Variants in DMD observed in about 807,000 individuals in gnomAD.
The protein encoded by DMD is dystrophin.
DMD carries 63 observed loss-of-function variants against 330.1 expected under a neutral mutation model. That is an observed-to-expected ratio of 0.19 (90% CI 0.16 to 0.24). DMD has a LOEUF of 0.24. DMD is among the 10% of genes least tolerant of loss of function. The pLI, the probability that DMD is intolerant of heterozygous loss-of-function variation, is 1.00. For synonymous variants in DMD, 1,223 were observed against 959.8 expected, an observed-to-expected ratio of 1.27 and a Z score of -5.07; for missense variants, 3,344 against 2,684.1, an observed-to-expected ratio of 1.25 and a Z score of -5.43.
intron 51 of DMD, among the ~76,000 whole-genome samples, chrX:31,752,109 C>T (rs961719571): frequency 9.0e-6 from 1 of 111,731 alleles, no homozygotes; most frequent in Non-Finnish European, 1.9e-5. Flanking sequence ...TTACATTGGG[C>T]GCACTGGGGT....
At chrX:31,429,205 G>A (rs2063893724) in intron 60 of DMD, among the ~76,000 whole-genome samples, 1 of 111,343 alleles carries the variant, frequency 9.0e-6, no homozygotes. Context: ...CAGGACAGAT[G>A]TTCCTTTTGC....
At chrX:31,123,972 T>A (rs2033239457) in intron 78 of DMD, among the ~76,000 whole-genome samples, 1 of 111,922 alleles carries the variant, frequency 8.9e-6, no homozygotes, top group Non-Finnish European at 1.9e-5. Context: ...TATAGCCAAG[T>A]GGTGCTTCTC....
chrX:33,180,006 T>C (rs1157081354), intron 1 of DMD, among the ~76,000 whole-genome samples: 2 of 109,717 alleles, frequency 1.8e-5, no homozygotes, highest in Non-Finnish European at 3.8e-5. Flanking sequence ...CTGGCTAATT[T>C]TGTATTTTTA....
At chrX:32,922,817 C>T (rs1472416818) in intron 2 of DMD, among the ~76,000 whole-genome samples, 2 of 111,947 alleles carry the variant, frequency 1.8e-5, no homozygotes, top group South Asian at 7.4e-4. Context: ...ATTTCTGAAA[C>T]TGTTCTAGAT....
chrX:31,966,977 T>C (rs1163281137), intron 45 of DMD, among the ~76,000 whole-genome samples: 1 of 110,716 alleles, frequency 9.0e-6, no homozygotes, highest in African/African-American at 3.3e-5. Flanking sequence ...ATTTATAGTA[T>C]GGTATTCAAT....
intron 2 of DMD, among the ~76,000 whole-genome samples, chrX:33,009,281 T>C (rs372921161): frequency 2.6e-5 from 1 of 38,147 alleles, no homozygotes; most frequent in African/African-American, 7.2e-5. Context: ...TACACATATG[T>C]GTATGTGTGT....
intron 7 of DMD, among the ~76,000 whole-genome samples, chrX:32,750,375 A>C (rs759329925): frequency 2.7e-5 from 3 of 112,303 alleles, no homozygotes; most frequent in South Asian, 7.4e-4. Context: ...AATTTGATTT[A>C]CATTTGGAAA....
intron 39 of DMD, among the ~76,000 whole-genome samples, chrX:32,343,697 C>T (rs1209386519): frequency 9.0e-6 from 1 of 111,677 alleles, no homozygotes; most frequent in Non-Finnish European, 1.9e-5. Flanking sequence ...AAATGTATAT[C>T]TTTAGCCTTG....
chrX:32,705,158 G>A (rs1237694623), intron 7 of DMD, among the ~76,000 whole-genome samples: 1 of 111,709 alleles, frequency 9.0e-6, no homozygotes, highest in African/African-American at 3.3e-5. Context: ...ATTAAAATTT[G>A]CACAACTCCT....
intron 12 of DMD, among the ~76,000 whole-genome samples, chrX:32,599,414 G>T (rs1316435794): frequency 1.8e-5 from 2 of 111,602 alleles, no homozygotes; most frequent in Non-Finnish European, 3.8e-5. Flanking sequence ...CAGTTGGAAA[G>T]AAATGAATTC....
chrX:32,503,421 G>C (rs2044262271), intron 18 of DMD, among the ~76,000 whole-genome samples: 1 of 111,876 alleles, frequency 8.9e-6, no homozygotes. Context: ...TAGTTGCAGA[G>C]AAAAAGTAAT....
At chrX:32,222,519 C>T (rs1283566041) in intron 43 of DMD, among the ~76,000 whole-genome samples, 1 of 111,783 alleles carries the variant, frequency 8.9e-6, no homozygotes, top group Non-Finnish European at 1.9e-5. Flanking sequence ...ATTGATAGAC[C>T]AGTAGTTAGA....
At chrX:32,395,004 T>A (rs759163097) in intron 30 of DMD, among the ~76,000 whole-genome samples, 1 of 108,196 alleles carries the variant, frequency 9.2e-6, no homozygotes, top group South Asian at 4.2e-4. Context: ...ACACTTTATA[T>A]AATTAATTCC....
At position 31,502,298 on chromosome X, in the gene DMD, C is replaced by T. The variant is rs138180287; in HGVS notation, c.8390+4983G>A. Among the ~76,000 whole-genome samples the T allele has an allele frequency of 8.8e-3, 972 of 111,032 alleles. 7 individuals carry two copies. Among genetic ancestry groups the T allele is most frequent in the African/African-American group, 0.03 (913 of 30,651 alleles). On this transcript the variant is annotated intron_variant, in intron 56 of 78. Coordinates refer to ENST00000357033, the MANE Select transcript of DMD (RefSeq NM_004006.3). ...AGCTATCTCTTTAAATAGAGAGAAT[C>T]CCAAAGAGAAGTCAACATTTTTTTT...
chrX:32,881,448 A>G (rs1268444759), intron 2 of DMD, among the ~76,000 whole-genome samples: 1 of 112,249 alleles, frequency 8.9e-6, no homozygotes, highest in Non-Finnish European at 1.9e-5. Flanking sequence ...TTAATCTTGG[A>G]AAAGTAAAAA....
At chrX:33,256,459 C>T (rs1201652220) in intron 1 of DMD, among the ~76,000 whole-genome samples, 1 of 110,262 alleles carries the variant, frequency 9.1e-6, no homozygotes, top group South Asian at 3.7e-4. Context: ...AAAAGCGTGG[C>T]TTCTAGCTTA....
intron 48 of DMD, among the ~76,000 whole-genome samples, chrX:31,872,348 G>A (rs2093904944): frequency 9.0e-6 from 1 of 111,270 alleles, no homozygotes; most frequent in African/African-American, 3.3e-5. Flanking sequence ...TAACACAGCC[G>A]AGTATGGCTT....
intron 18 of DMD, among the ~76,000 whole-genome samples, chrX:32,511,524 G>GGGAAAAAAAAAAA (rs766801853): frequency 1.6e-4 from 8 of 49,768 alleles, no homozygotes; most frequent in Non-Finnish European, 2.8e-4. Flanking sequence ...TCCGTCTCGG[G>GGGAAAAAAAAAAA]AAAAAAAAAA....
chrX:32,520,136 G>A (rs1173411338), intron 17 of DMD, among the ~76,000 whole-genome samples: 1 of 111,419 alleles, frequency 9.0e-6, no homozygotes, highest in Admixed American at 9.5e-5. Context: ...AAATGTTTAT[G>A]GATTTTTATT....
Sources: gnomAD v4.1 joint callset for allele counts (sites outside exome capture counted in the v4.1 genomes callset) on GRCh38, gnomAD v4.1.1 for gene constraint, MANE v1.5 for transcripts, NCBI Gene and HGNC (gene_info 2026-07-23, HGNC 2026-07-21) for gene names.